Variants in PCDH15 observed in about 807,000 individuals in gnomAD.
The protein encoded by PCDH15 is protocadherin-15.
In PCDH15, 129 loss-of-function variants were observed where a neutral mutation model predicts 178.5. The observed-to-expected ratio is 0.72, with a 90% CI of 0.63 to 0.84. PCDH15 has a LOEUF of 0.84. Among genes scored for constraint, PCDH15 ranks in the 40% least tolerant of loss-of-function variants. The pLI is 0.00. For missense variants in PCDH15, 2,230 were observed against 2,099.9 expected (o/e 1.06, Z -1.21); for synonymous variants, 800 against 732.0 (o/e 1.09, Z -1.50).
At chr10:54,121,684 C>A (rs183921861) in intron 15 of PCDH15, among the ~76,000 whole-genome samples, 25 of 152,142 alleles carry the variant, frequency 1.6e-4, no homozygotes, top group African/African-American at 4.8e-4. Flanking sequence ...TTTCTATGCA[C>A]ACATACTAGA....
intron 15 of PCDH15, among the ~76,000 whole-genome samples, chr10:54,093,369 T>G (rs2094635030): frequency 6.6e-6 from 1 of 152,180 alleles, no homozygotes; most frequent in Non-Finnish European, 1.5e-5. Flanking sequence ...GAAGTATTTA[T>G]AGTTTTTCAG....
intron 1 of PCDH15, among the ~76,000 whole-genome samples, chr10:55,220,189 A>G (rs961921733): frequency 1.3e-5 from 2 of 152,042 alleles, no homozygotes; most frequent in Admixed American, 6.6e-5. Context: ...TAATGGTACC[A>G]AACATTGCAG....
At chr10:55,580,958 T>A (rs904601745) in intron 2 of PCDH15, among the ~76,000 whole-genome samples, 2 of 152,182 alleles carry the variant, frequency 1.3e-5, no homozygotes, top group African/African-American at 4.8e-5. Context: ...TCCCCCTTTT[T>A]CCTTTTCCTC....
rs183047552 is a variant in PCDH15 at position 54,947,455 on chromosome 10, A to G, written c.-79-49955T>C. On this transcript the variant is annotated intron_variant, in intron 2 of 5. Transcript: ENST00000458638. ...GAATGTCCCTTGAATGATATTTTAC[A>G]TCGTTATCCCATTTAAATAACTTGC... Among the ~76,000 whole-genome samples the G allele has an allele frequency of 2.0e-5, 3 of 152,084 alleles. No individual in the cohort carries two copies. In the East Asian group the frequency reaches 5.8e-4, roughly 29 times the overall value.
At chr10:53,875,354 AT>A (rs2080153791) in intron 26 of PCDH15, among the ~76,000 whole-genome samples, 1 of 151,924 alleles carries the variant, frequency 6.6e-6, no homozygotes, top group Non-Finnish European at 1.5e-5. Flanking sequence ...TCATAAATAT[AT>A]TCTATAATTT....
At chr10:53,817,935 C>A in intron 34 of PCDH15, 60 bp downstream of exon 34, 1 of 398,450 alleles carries the variant, frequency 2.5e-6, no homozygotes, top group South Asian at 1.3e-4. Flanking sequence ...TTAGTCTTGC[C>A]TATTACACAA....
chr10:54,752,476 C>CAAAAAAAAAAAA (rs755874514), intron 1 of PCDH15, among the ~76,000 whole-genome samples: 6 of 89,708 alleles, frequency 6.7e-5, no homozygotes, highest in Non-Finnish European at 1.2e-4. Flanking sequence ...GACTCCGTCT[C>CAAAAAAAAAAAA]AAAAAAAAAA....
At chr10:55,594,735 C>T (rs897115805) in intron 2 of PCDH15, among the ~76,000 whole-genome samples, 4 of 151,896 alleles carry the variant, frequency 2.6e-5, no homozygotes, top group African/African-American at 7.2e-5. Flanking sequence ...GTTTCATACT[C>T]GATGTTGAAA....
chr10:54,121,086 A>C (rs1375596117), intron 15 of PCDH15, among the ~76,000 whole-genome samples: 1 of 151,714 alleles, frequency 6.6e-6, no homozygotes, highest in Admixed American at 6.6e-5. Flanking sequence ...AAATCACAGC[A>C]CCCATATTCT....
chr10:54,147,207 A>T (rs1307521620), intron 14 of PCDH15, among the ~76,000 whole-genome samples: 1 of 151,500 alleles, frequency 6.6e-6, no homozygotes, highest in Non-Finnish European at 1.5e-5. Flanking sequence ...TTATCTCAGC[A>T]GGTAGAATGG....
intron 2 of PCDH15, among the ~76,000 whole-genome samples, chr10:55,334,242 A>ATATATATATATATGTGTG (rs1291195941): frequency 6.7e-4 from 48 of 72,128 alleles, no homozygotes; most frequent in African/African-American, 3.9e-3. Context: ...ATATATATAT[A>ATATATATATATATGTGTG]TGTGTGTGTG....
At chr10:54,033,986 T>G (rs1232116611) in intron 18 of PCDH15, among the ~76,000 whole-genome samples, 1 of 151,918 alleles carries the variant, frequency 6.6e-6, no homozygotes, top group African/African-American at 2.4e-5. Context: ...TATATTACAT[T>G]GTCTCACAAA....
chr10:54,668,195 A>G (rs2094602957), intron 1 of PCDH15, among the ~76,000 whole-genome samples: 1 of 152,114 alleles, frequency 6.6e-6, no homozygotes, highest in Non-Finnish European at 1.5e-5. Flanking sequence ...GGAAAATATC[A>G]GTGAACAAAG....
At chr10:53,901,280 G>A (rs577985859) in intron 26 of PCDH15, among the ~76,000 whole-genome samples, 1 of 152,086 alleles carries the variant, frequency 6.6e-6, no homozygotes, top group Non-Finnish European at 1.5e-5. Context: ...TATTGAAAAA[G>A]CCTCCCAAAC....
chr10:54,436,081 AGGAG>A (rs2075391009), intron 3 of PCDH15, among the ~76,000 whole-genome samples: 3 of 145,400 alleles, frequency 2.1e-5, no homozygotes, highest in Admixed American at 6.8e-5. Context: ...GAAGGAAGGA[AGGAG>A]GGAAGGAGGG....
At chr10:55,162,007 T>C (rs1839081168) in intron 2 of PCDH15, among the ~76,000 whole-genome samples, 1 of 152,166 alleles carries the variant, frequency 6.6e-6, no homozygotes, top group Admixed American at 6.6e-5. Context: ...AGTTACAGCA[T>C]ACCTTGTGCT....
chr10:55,450,535 C>G (rs1565152311), intron 2 of PCDH15, among the ~76,000 whole-genome samples: 1 of 152,086 alleles, frequency 6.6e-6, no homozygotes, highest in Non-Finnish European at 1.5e-5. Flanking sequence ...GATCAGAACT[C>G]TTTTGGTACT....
At chr10:54,141,823 A>C (rs542155804) in intron 14 of PCDH15, among the ~76,000 whole-genome samples, 1 of 152,332 alleles carries the variant, frequency 6.6e-6, no homozygotes, top group Non-Finnish European at 1.5e-5. Context: ...AAGTTACTTA[A>C]TCAGTTGTAA....
intron 1 of PCDH15, among the ~76,000 whole-genome samples, chr10:55,292,880 C>T (rs534257758): frequency 6.6e-6 from 1 of 152,284 alleles, no homozygotes; most frequent in Non-Finnish European, 1.5e-5. Flanking sequence ...ACAGTGCAAG[C>T]TGTAAGTAAA....
Sources: gnomAD v4.1 joint callset for allele counts (sites outside exome capture counted in the v4.1 genomes callset) on GRCh38, gnomAD v4.1.1 for gene constraint, MANE v1.5 for transcripts, NCBI Gene and HGNC (gene_info 2026-07-23, HGNC 2026-07-21) for gene names.